Variants in ADARB1 observed in about 807,000 individuals in gnomAD.
ADARB1 encodes double-stranded RNA-specific editase 1.
Under a neutral mutation model 52.4 loss-of-function variants are expected in ADARB1, and 10 were observed. That is an observed-to-expected ratio of 0.19 (90% CI 0.12 to 0.32). The LOEUF (loss-of-function observed/expected upper bound fraction) is 0.32. Ranked by LOEUF, ADARB1 falls within the 10% of genes least tolerant of loss-of-function variation. The pLI, the probability that ADARB1 is intolerant of heterozygous loss-of-function variation, is 1.00. For missense variants in ADARB1, 643 were observed against 922.3 expected (o/e 0.70, Z 3.92); for synonymous variants, 349 against 371.1 (o/e 0.94, Z 0.68).
At chr21:45,110,064 C>T (rs1486857987) in intron 1 of ADARB1, among the ~76,000 whole-genome samples, 1 of 152,176 alleles carries the variant, frequency 6.6e-6, no homozygotes, top group South Asian at 2.1e-4. Flanking sequence ...TAACATTCTG[C>T]TCTATTAGCT....
intron 8 of ADARB1, among the ~76,000 whole-genome samples, chr21:45,191,587 A>G (rs11911460): frequency 1.3e-4 from 20 of 151,822 alleles, no homozygotes; most frequent in Non-Finnish European, 2.2e-4. Flanking sequence ...CCTTTTTGCA[A>G]TTTTGACATA....
intron 8 of ADARB1, among the ~76,000 whole-genome samples, chr21:45,192,852 G>T (rs1175571590): frequency 2.0e-5 from 3 of 152,176 alleles, no homozygotes; most frequent in African/African-American, 4.8e-5. Flanking sequence ...CATATTTCCT[G>T]AAAGACACAT....
chr21:45,225,952 C>T lies in ADARB1; in HGVS notation c.*3755C>T, dbSNP rs953852350. On this transcript the variant is annotated 3_prime_UTR_variant, in exon 11 of 11. Coordinates refer to ENST00000348831, the MANE Select transcript of ADARB1 (RefSeq NM_001112.4). ...AGGCCAGTGGTTGCTCGGGGCCTTCCGTGTGAGTTCTAGTGTTCACTTGAT... is the reference window on the plus strand; with the variant it reads ...AGGCCAGTGGTTGCTCGGGGCCTTCTGTGTGAGTTCTAGTGTTCACTTGAT... The T allele has an allele frequency of 2.7e-5, 5 of 182,504 alleles. No homozygotes were observed. Among genetic ancestry groups the T allele is most frequent in the African/African-American group, 4.7e-5 (2 of 42,648 alleles). The allele number at this position is 182,504 out of a possible 1,614,324, so 11.3% of individuals were successfully genotyped here.
chr21:45,106,275 C>G (rs1483343097), intron 1 of ADARB1, among the ~76,000 whole-genome samples: 2 of 151,872 alleles, frequency 1.3e-5, no homozygotes, highest in African/African-American at 4.8e-5. Flanking sequence ...TAACAAAGCC[C>G]TCTGTGTTCA....
intron 2 of ADARB1, among the ~76,000 whole-genome samples, chr21:45,166,667 C>T (rs2146081890): frequency 6.6e-6 from 1 of 152,252 alleles, no homozygotes; most frequent in East Asian, 1.9e-4. Context: ...GTCTGTTTAT[C>T]CTTTTCACGT....
At chr21:45,197,585 C>T (rs113044238) in intron 8 of ADARB1, among the ~76,000 whole-genome samples, 19 of 151,846 alleles carry the variant, frequency 1.3e-4, no homozygotes, top group African/African-American at 3.9e-4. Flanking sequence ...GAAATGAAAG[C>T]GTATGTCCAC....
intron 6 of ADARB1, among the ~76,000 whole-genome samples, 173 bp from the exon 7 acceptor site, chr21:45,183,189 C>T (rs1419200031): frequency 6.6e-6 from 1 of 152,208 alleles, no homozygotes; most frequent in African/African-American, 2.4e-5. Flanking sequence ...ATCCTGATGA[C>T]ATATCCATTA....
intron 1 of ADARB1, among the ~76,000 whole-genome samples, chr21:45,111,353 T>C (rs2087524820): frequency 6.6e-6 from 1 of 152,168 alleles, no homozygotes. Flanking sequence ...GAGGGACAGG[T>C]ACAAAGATTT....
chr21:45,143,717 C>T (rs537385767), intron 2 of ADARB1, among the ~76,000 whole-genome samples: 6 of 152,328 alleles, frequency 3.9e-5, no homozygotes, highest in Middle Eastern at 3.4e-3. Flanking sequence ...TCAGGTGCTG[C>T]GGCTACCTAG....
chr21:45,082,383 T>TA (rs1328844276), intron 1 of ADARB1, among the ~76,000 whole-genome samples: 1 of 152,146 alleles, frequency 6.6e-6, no homozygotes, highest in Non-Finnish European at 1.5e-5. Flanking sequence ...CATCATAAAG[T>TA]AAAAAAATCA....
At chr21:45,081,737 TGTG>T (rs1568990179) in intron 1 of ADARB1, among the ~76,000 whole-genome samples, 1 of 152,160 alleles carries the variant, frequency 6.6e-6, no homozygotes, top group Non-Finnish European at 1.5e-5. Flanking sequence ...CTGAGTGCGA[TGTG>T]GTACGCTGAG....
At chr21:45,160,748 A>G (rs974798205) in intron 2 of ADARB1, among the ~76,000 whole-genome samples, 8 of 152,180 alleles carry the variant, frequency 5.3e-5, no homozygotes, top group Admixed American at 5.2e-4. Context: ...TGTCCTCCTT[A>G]CAGAGCGTGT....
exon 1 of ADARB1, chr21:45,074,578 CTGAGGCGCTGA>C: frequency 7.4e-6 from 1 of 134,370 alleles, no homozygotes; most frequent in Non-Finnish European, 1.7e-5. Context: ...GGCGGCGGGG[CTGAGGCGCTGA>C]GGCGGCCGTG....
chr21:45,222,805 C>G lies in ADARB1; in HGVS notation c.*608C>G. On this transcript the variant is annotated 3_prime_UTR_variant, in exon 11 of 11. Transcript: ENST00000348831. ...CACACACTAGGTTGTAACAGTCTCT[C>G]CCTGAGGAGCAGACTCCCAGCATGG... 3.0e-6 allele frequency: 3 copies of G among 985,534 alleles called. No individual in the cohort carries two copies. Among genetic ancestry groups the G allele is most frequent in the Non-Finnish European group, 3.6e-6 (3 of 830,030 alleles). 61.0% of individuals were successfully genotyped at this position (985,534 alleles called of 1,614,324 possible). A position where few individuals can be genotyped will look rare whatever the true frequency, so the allele number is the denominator to read the frequency against.
intron 7 of ADARB1, chr21:45,184,609 C>G (rs562608314): frequency 7.6e-4 from 246 of 324,162 alleles, no homozygotes; most frequent in Non-Finnish European, 1.2e-3. Flanking sequence ...TACCACTATA[C>G]CTGGCTAATT....
chr21:45,094,561 C>T (rs1157664188), intron 1 of ADARB1, among the ~76,000 whole-genome samples: 6 of 152,160 alleles, frequency 3.9e-5, no homozygotes, highest in Admixed American at 3.9e-4. Context: ...TACATGGAAG[C>T]AGCCCCGAGC....
intron 1 of ADARB1, among the ~76,000 whole-genome samples, chr21:45,095,740 C>A (rs2086732183): frequency 6.6e-6 from 1 of 152,122 alleles, no homozygotes; most frequent in Non-Finnish European, 1.5e-5. Flanking sequence ...TTCAGGAAAC[C>A]CAGTGTCTCT....
intron 1 of ADARB1, among the ~76,000 whole-genome samples, chr21:45,098,451 C>T (rs2123717685): frequency 6.6e-6 from 1 of 152,356 alleles, no homozygotes; most frequent in East Asian, 1.9e-4. Context: ...ACGGCCCCTT[C>T]TGCCCCAGCT....
In ADARB1 at chr21:45,086,125, C is replaced by T. The variant is rs149512583; in HGVS notation, c.-220+11332C>T. Among the ~76,000 whole-genome samples the T allele has an allele frequency of 2.1e-4, 32 of 152,240 alleles. No homozygotes were observed. In the Middle Eastern group the frequency reaches 0.01, roughly 49 times the overall value. On this transcript the variant is annotated intron_variant, in intron 1 of 10. Coordinates refer to ENST00000348831, the MANE Select transcript of ADARB1 (RefSeq NM_001112.4). ...TGCTATGTGTGAAGCCGGGATAGGG[C>T]GGTGCTGTTGGACAGAAGACCTGCC...
Sources: gnomAD v4.1 joint callset for allele counts (sites outside exome capture counted in the v4.1 genomes callset) on GRCh38, gnomAD v4.1.1 for gene constraint, MANE v1.5 for transcripts, NCBI Gene and HGNC (gene_info 2026-07-23, HGNC 2026-07-21) for gene names.